The following PPARGC1A variants were observed in gnomAD, a reference collection of about 807,000 sequenced individuals.
PPARGC1A encodes peroxisome proliferator-activated receptor gamma coactivator 1-alpha.
A neutral mutation model predicts 88.7 loss-of-function variants in PPARGC1A; 25 were observed. The ratio of observed to expected loss-of-function variants is 0.28; its 90% confidence interval spans 0.21 to 0.39. The LOEUF (loss-of-function observed/expected upper bound fraction) is 0.39. Ranked by LOEUF, PPARGC1A falls within the 10% of genes least tolerant of loss-of-function variation. PPARGC1A has a pLI of 1.00. For missense variants in PPARGC1A, 880 were observed against 968.7 expected (o/e 0.91, Z 1.22); for synonymous variants, 363 against 355.6 (o/e 1.02, Z -0.24).
the PPARGC1A span, among the ~76,000 whole-genome samples, chr4:24,360,835 G>A: frequency 2.6e-5 from 4 of 152,190 alleles, no homozygotes; most frequent in Non-Finnish European, 5.9e-5. Flanking sequence ...ATATGATGTG[G>A]CTTAAATATG....
the PPARGC1A span, among the ~76,000 whole-genome samples, chr4:24,069,919 C>T: frequency 6.6e-6 from 1 of 152,156 alleles, no homozygotes; most frequent in Non-Finnish European, 1.5e-5. Context: ...AAACTAGAGA[C>T]AGGATGCCTG....
chr4:23,945,645 G>A, the PPARGC1A span, among the ~76,000 whole-genome samples: 7 of 152,236 alleles, frequency 4.6e-5, no homozygotes, highest in East Asian at 3.9e-4. Flanking sequence ...CAGGAGGGAC[G>A]GCATGAGCAA....
the PPARGC1A span, among the ~76,000 whole-genome samples, chr4:24,028,488 G>A: frequency 6.6e-6 from 1 of 152,132 alleles, no homozygotes; most frequent in Non-Finnish European, 1.5e-5. Context: ...TAATCCTAAT[G>A]TCATACAGGT....
At chr4:24,462,448 A>G in the PPARGC1A span, among the ~76,000 whole-genome samples, 2 of 151,876 alleles carry the variant, frequency 1.3e-5, no homozygotes, top group Non-Finnish European at 2.9e-5. Flanking sequence ...CCATCAGTTC[A>G]TCCATCTGAA....
At chr4:24,141,148 G>GA in the PPARGC1A span, among the ~76,000 whole-genome samples, 91 of 152,234 alleles carry the variant, frequency 6.0e-4, 2 homozygotes, top group East Asian at 0.015. Context: ...AACAAAAGCA[G>GA]AAAAAAATCC....
At chr4:24,279,653 G>T in the PPARGC1A span, among the ~76,000 whole-genome samples, 1 of 152,110 alleles carries the variant, frequency 6.6e-6, no homozygotes, top group Non-Finnish European at 1.5e-5. Context: ...TCCTGCCACA[G>T]ATGGTGACAA....
the PPARGC1A span, among the ~76,000 whole-genome samples, chr4:24,468,141 C>T: frequency 3.3e-5 from 5 of 152,150 alleles, no homozygotes; most frequent in Admixed American, 3.3e-4. Context: ...AATAAGGTGA[C>T]CTGGGTCCAA....
At chr4:24,120,391 T>C in the PPARGC1A span, among the ~76,000 whole-genome samples, 1 of 152,196 alleles carries the variant, frequency 6.6e-6, no homozygotes, top group Non-Finnish European at 1.5e-5. Context: ...GACAATGGCA[T>C]GATATTCATA....
intron 2 of PPARGC1A, among the ~76,000 whole-genome samples, chr4:23,834,074 C>T (rs574131386): frequency 3.6e-4 from 55 of 152,114 alleles, no homozygotes; most frequent in African/African-American, 1.2e-3. Flanking sequence ...TTGAGGCAGG[C>T]GGATCACTTG....
chr4:23,854,810 T>C (rs1729894147), intron 2 of PPARGC1A, among the ~76,000 whole-genome samples: 1 of 151,916 alleles, frequency 6.6e-6, no homozygotes, highest in Admixed American at 6.6e-5. Context: ...AAATCCCAGA[T>C]GGATGAATGA....
intron 5 of PPARGC1A, 137 bp from the exon 6 acceptor site, chr4:23,824,645 A>T: frequency 2.6e-6 from 2 of 783,354 alleles, no homozygotes; most frequent in Non-Finnish European, 4.0e-6. Flanking sequence ...TATTGAATCA[A>T]AGTCAGACAA....
At chr4:24,231,520 C>T in the PPARGC1A span, among the ~76,000 whole-genome samples, 22 of 152,170 alleles carry the variant, frequency 1.4e-4, no homozygotes, top group Non-Finnish European at 5.9e-5. Context: ...GCCCAGAAAT[C>T]TTAGGAGATG....
At chr4:24,390,246 C>G in the PPARGC1A span, among the ~76,000 whole-genome samples, 1 of 151,844 alleles carries the variant, frequency 6.6e-6, no homozygotes, top group African/African-American at 2.4e-5. Context: ...TTTTTTGCCC[C>G]TCAAATACAA....
At chr4:24,472,586 G>A in the PPARGC1A span, among the ~76,000 whole-genome samples, 2 of 152,146 alleles carry the variant, frequency 1.3e-5, no homozygotes, top group Non-Finnish European at 2.9e-5. The surrounding 1 kb of genome is among the most constrained non-coding windows in gnomAD (Gnocchi z 4.5). Flanking sequence ...TAAAAGAAAA[G>A]GAGGGGGAAG....
the PPARGC1A span, among the ~76,000 whole-genome samples, chr4:23,968,591 A>T: frequency 1.3e-5 from 2 of 152,174 alleles, no homozygotes; most frequent in African/African-American, 4.8e-5. Flanking sequence ...GATGACAGTA[A>T]CTTATTCTTA....
the PPARGC1A span, among the ~76,000 whole-genome samples, chr4:24,183,111 G>T: frequency 3.9e-5 from 6 of 152,084 alleles, no homozygotes; most frequent in African/African-American, 1.4e-4. Flanking sequence ...TGGAAATAAG[G>T]AAAAAATGAC....
the PPARGC1A span, among the ~76,000 whole-genome samples, chr4:23,935,170 C>T: frequency 7.9e-4 from 120 of 152,256 alleles, no homozygotes; most frequent in African/African-American, 2.8e-3. Flanking sequence ...GCTCGCATGC[C>T]TGGGAGGTAG....
the PPARGC1A span, among the ~76,000 whole-genome samples, chr4:23,919,504 G>GTAC: frequency 6.7e-6 from 1 of 150,282 alleles, no homozygotes; most frequent in Non-Finnish European, 1.5e-5. Context: ...GAGGACTTTG[G>GTAC]AGTTTGAAAT....
chr4:24,153,897 A>G, the PPARGC1A span, among the ~76,000 whole-genome samples: 2 of 152,288 alleles, frequency 1.3e-5, no homozygotes, highest in Non-Finnish European at 2.9e-5. Flanking sequence ...ATCCCTCCAC[A>G]TGAAAAATAA....
Sources: allele counts gnomAD v4.1 joint callset (sites outside exome capture counted in the v4.1 genomes callset), GRCh38; gene constraint gnomAD v4.1.1; non-coding constraint Gnocchi (gnomAD v3.1); transcripts MANE v1.5; gene names NCBI Gene and HGNC (gene_info 2026-07-23, HGNC 2026-07-21).